FANK1: variants seen among roughly 807,000 people sequenced by gnomAD.
The protein encoded by FANK1 is fibronectin type 3 and ankyrin repeat domains protein 1.
FANK1 carries 44 observed loss-of-function variants against 45.3 expected under a neutral mutation model. The observed-to-expected ratio is 0.97, with a 90% CI of 0.76 to 1.25. The LOEUF (loss-of-function observed/expected upper bound fraction) is 1.25, where lower values mean the gene tolerates loss of function less well. Among genes scored for constraint, FANK1 ranks in the 50% most tolerant of loss-of-function variants. The pLI is 0.00. For synonymous variants in FANK1, 149 were observed against 152.5 expected, an observed-to-expected ratio of 0.98 and a Z score of 0.17; for missense variants, 391 against 424.4, an observed-to-expected ratio of 0.92 and a Z score of 0.69.
chr10:125,964,775 C>T (rs1007313413), intron 1 of FANK1, among the ~76,000 whole-genome samples: 4 of 152,200 alleles, frequency 2.6e-5, no homozygotes, highest in Non-Finnish European at 4.4e-5. Flanking sequence ...AGAGAATGCA[C>T]AACCTCAACT....
At chr10:125,971,576 ATAATT>A (rs1247250752) in intron 1 of FANK1, among the ~76,000 whole-genome samples, 1 of 152,194 alleles carries the variant, frequency 6.6e-6, no homozygotes, top group Admixed American at 6.5e-5. Context: ...TTTAAAATGA[ATAATT>A]TAAGGAAATC....
intron 6 of FANK1, among the ~76,000 whole-genome samples, chr10:126,001,905 A>C (rs1288782337): frequency 1.3e-5 from 2 of 152,156 alleles, no homozygotes; most frequent in African/African-American, 4.8e-5. Context: ...CAAATTCAAC[A>C]GAATCTTAAG....
chr10:125,925,863 G>A (rs2134135476), intron 1 of FANK1, among the ~76,000 whole-genome samples: 1 of 152,310 alleles, frequency 6.6e-6, no homozygotes, highest in East Asian at 1.9e-4. Flanking sequence ...ATTCTGTATA[G>A]ATGGTGAGTG....
chr10:125,997,543 C>A, intron 6 of FANK1, 58 bp downstream of exon 6: 2 of 1,531,128 alleles, frequency 1.3e-6, no homozygotes, highest in Non-Finnish European at 9.0e-7. Context: ...TGTTGCTAGG[C>A]TTGTGCCCAG....
Position 125,901,310 on chromosome 10 carries a change from G to A in FANK1, c.13+4655G>A, listed in dbSNP as rs1945016270. Among the ~76,000 whole-genome samples the A allele has an allele frequency of 2.0e-5, 3 of 152,242 alleles. No individual in the cohort carries two copies. In the South Asian group the frequency reaches 6.2e-4, roughly 32 times the overall value. ...CCCTTCTCCATCCACCAGCAGGTCT[G>A]TTTATTCCACTTCCAAAATATACCC... On this transcript the variant is annotated intron_variant, in intron 1 of 10. Coordinates refer to ENST00000368693, the MANE Select transcript of FANK1 (RefSeq NM_145235.5).
intron 7 of FANK1, 80 bp downstream of exon 7, chr10:126,005,129 G>C: frequency 1.3e-6 from 2 of 1,484,176 alleles, no homozygotes; most frequent in Non-Finnish European, 1.8e-6. Flanking sequence ...CAGAAGCAGG[G>C]CCTTTGATTA....
chr10:125,966,594 T>C (rs945245572), intron 1 of FANK1, among the ~76,000 whole-genome samples: 6 of 152,166 alleles, frequency 3.9e-5, no homozygotes, highest in Non-Finnish European at 5.9e-5. Context: ...AAGTAAACTT[T>C]TTCCTTGGAA....
At chr10:125,992,609 T>A (rs1365709114) in intron 3 of FANK1, among the ~76,000 whole-genome samples, 1 of 152,188 alleles carries the variant, frequency 6.6e-6, no homozygotes, top group Admixed American at 6.5e-5. Flanking sequence ...AGCCCTGGTC[T>A]TTGCTACAAA....
At chr10:125,924,187 T>G (rs1947153999) in intron 1 of FANK1, among the ~76,000 whole-genome samples, 1 of 152,238 alleles carries the variant, frequency 6.6e-6, no homozygotes, top group African/African-American at 2.4e-5. Flanking sequence ...CATTTGTTTG[T>G]TATGTTTTTC....
At chr10:125,932,338 G>C (rs1431175669) in intron 1 of FANK1, among the ~76,000 whole-genome samples, 1 of 152,136 alleles carries the variant, frequency 6.6e-6, no homozygotes, top group African/African-American at 2.4e-5. Flanking sequence ...CATGAGCATG[G>C]GATGTGTTTC....
At chr10:125,980,490 G>C (rs1164586697) in intron 2 of FANK1, 152 bp downstream of exon 2, 2 of 828,938 alleles carry the variant, frequency 2.4e-6, no homozygotes, top group Non-Finnish European at 3.6e-6. Flanking sequence ...TACAATTTTT[G>C]GAAAATAGGC....
At chr10:125,996,477 G>A (rs2134220003) in intron 4 of FANK1, 73 bp from the exon 5 acceptor site, 2 of 1,444,998 alleles carry the variant, frequency 1.4e-6, no homozygotes, top group South Asian at 2.4e-5. Context: ...CCTAAGCCCT[G>A]TGAGAACCAC....
chr10:125,928,657 T>A (rs541642084), intron 1 of FANK1, among the ~76,000 whole-genome samples: 17 of 152,312 alleles, frequency 1.1e-4, no homozygotes, highest in Admixed American at 5.2e-4. Flanking sequence ...TTCTGATAGA[T>A]GTATAGTAGT....
chr10:125,908,510 G>A (rs78744605), intron 1 of FANK1, among the ~76,000 whole-genome samples: 4 of 151,996 alleles, frequency 2.6e-5, no homozygotes, highest in Admixed American at 1.3e-4. Flanking sequence ...ATGGAAAACC[G>A]AATATCATAT....
intron 2 of FANK1, among the ~76,000 whole-genome samples, chr10:125,982,807 G>A (rs979633197): frequency 6.6e-6 from 1 of 152,070 alleles, no homozygotes; most frequent in Admixed American, 6.5e-5. Context: ...CTCTTTAGCT[G>A]CGTTTTCCCC....
At chr10:125,968,355 A>G (rs1422505779) in intron 1 of FANK1, among the ~76,000 whole-genome samples, 1 of 152,180 alleles carries the variant, frequency 6.6e-6, no homozygotes, top group African/African-American at 2.4e-5. Flanking sequence ...CTCATATAGC[A>G]TCCCCCTCAG....
chr10:125,994,466 G>A (rs893077089), intron 3 of FANK1: 5 of 985,188 alleles, frequency 5.1e-6, no homozygotes, highest in Non-Finnish European at 4.8e-6. Flanking sequence ...ATGAGGGGCT[G>A]GGCGTACAGT....
chr10:125,946,450 A>G (rs946643142), intron 1 of FANK1, among the ~76,000 whole-genome samples: 5 of 152,138 alleles, frequency 3.3e-5, no homozygotes, highest in Admixed American at 2.0e-4. Flanking sequence ...CTCGAGAACT[A>G]TGTGAAGAAT....
chr10:125,981,350 A>G (rs573633543), intron 2 of FANK1, among the ~76,000 whole-genome samples: 1 of 152,114 alleles, frequency 6.6e-6, no homozygotes. Flanking sequence ...TCTACAAAAA[A>G]TCCAAAAGTT....
Sources: allele counts gnomAD v4.1 joint callset (sites outside exome capture counted in the v4.1 genomes callset), GRCh38; gene constraint gnomAD v4.1.1; transcripts MANE v1.5; gene names NCBI Gene and HGNC (gene_info 2026-07-23, HGNC 2026-07-21).